EPS15L1: variants seen among roughly 807,000 people sequenced by gnomAD.
The protein encoded by EPS15L1 is epidermal growth factor receptor pathway substrate 15 like 1, also known as epidermal growth factor receptor substrate 15-like 1.
A neutral mutation model predicts 117.1 loss-of-function variants in EPS15L1; 43 were observed. The observed-to-expected ratio is 0.37, with a 90% confidence interval of 0.29 to 0.47. The LOEUF is 0.47. Among genes scored for constraint, EPS15L1 ranks in the 20% least tolerant of loss-of-function variants. EPS15L1 has a pLI of 0.99. For missense variants in EPS15L1, 981 were observed against 1,164.0 expected (o/e 0.84, Z 2.29); for synonymous variants, 459 against 470.5 (o/e 0.98, Z 0.32).
chr19:16,444,083 A>G (rs2093059375), intron 1 of EPS15L1, among the ~76,000 whole-genome samples: 1 of 150,072 alleles, frequency 6.7e-6, no homozygotes, highest in Admixed American at 6.6e-5. Flanking sequence ...AAAAAAAAAA[A>G]GAAGTGAAAG....
Position 16,384,719 on chromosome 19 carries a change from G to A in EPS15L1, c.2247+410C>T, listed in dbSNP as rs965542507. Among the ~76,000 whole-genome samples the A allele has an allele frequency of 7.9e-5, 12 of 152,276 alleles. No individual in the cohort carries two copies. The South Asian group carries it at 8.3e-4, about 11-fold the overall frequency. ...CCTCACTTTTCAACACCCCTTGAGAGTTCTGTCACATGGGCGACTCTGAAC... is the reference window on the plus strand; with the variant it reads ...CCTCACTTTTCAACACCCCTTGAGAATTCTGTCACATGGGCGACTCTGAAC... On this transcript the variant is annotated intron_variant, in intron 21 of 23. Coordinates refer to ENST00000455140, the MANE Select transcript of EPS15L1 (RefSeq NM_001258374.3).
intron 19 of EPS15L1, 126 bp from the exon 20 acceptor site, chr19:16,386,357 T>C: frequency 1.3e-6 from 1 of 744,634 alleles, no homozygotes; most frequent in Non-Finnish European, 2.3e-6. Flanking sequence ...AGTGGAATGA[T>C]TAAAACTCAA....
At chr19:16,376,323 C>A (rs1183906416) in intron 22 of EPS15L1, among the ~76,000 whole-genome samples, 3 of 152,230 alleles carry the variant, frequency 2.0e-5, no homozygotes, top group African/African-American at 7.2e-5. Context: ...CCTTCTGCCA[C>A]TTGAAGCAAT....
chr19:16,451,212 A>C lies in EPS15L1; in HGVS notation c.34-8993T>G, dbSNP rs145430648. 3.8e-3 allele frequency among the ~76,000 whole-genome samples: 571 copies of C among 152,066 alleles called. 2 individuals are homozygous for C. Among genetic ancestry groups the C allele is most frequent in the African/African-American group, 0.013 (552 of 41,496 alleles). On this transcript the variant is annotated intron_variant, in intron 1 of 23. Coordinates refer to ENST00000455140, the MANE Select transcript of EPS15L1 (RefSeq NM_001258374.3). ...GTGATCTGCCTGCCTCGGCCTCCCAAAGTGCTGGGATTACAGGCGTGAGCC... is the reference window on the plus strand; with the variant it reads ...GTGATCTGCCTGCCTCGGCCTCCCACAGTGCTGGGATTACAGGCGTGAGCC...
chr19:16,384,866 G>A (rs184121858), intron 21 of EPS15L1, among the ~76,000 whole-genome samples: 218 of 152,258 alleles, frequency 1.4e-3, no homozygotes, highest in African/African-American at 4.6e-3. Flanking sequence ...TGACTTCACC[G>A]TCTGAGACCT....
intron 1 of EPS15L1, among the ~76,000 whole-genome samples, chr19:16,453,007 A>G (rs1324427717): frequency 6.6e-6 from 1 of 151,578 alleles, no homozygotes; most frequent in Non-Finnish European, 1.5e-5. Flanking sequence ...TCACCGTGTT[A>G]GTCAGGATGG....
intron 1 of EPS15L1, among the ~76,000 whole-genome samples, chr19:16,448,251 C>T (rs556095735): frequency 6.6e-6 from 1 of 152,280 alleles, no homozygotes. Flanking sequence ...CCATGTAAGG[C>T]CTGGCGTGGT....
chr19:16,464,866 A>G (rs1490972670), intron 1 of EPS15L1, among the ~76,000 whole-genome samples: 1 of 152,076 alleles, frequency 6.6e-6, no homozygotes, highest in Non-Finnish European at 1.5e-5. Context: ...GGCAGATCAC[A>G]AGGTCAGATC....
intron 1 of EPS15L1, among the ~76,000 whole-genome samples, chr19:16,468,432 G>A (rs1599703582): frequency 6.6e-6 from 1 of 152,134 alleles, no homozygotes; most frequent in African/African-American, 2.4e-5. Context: ...TGCAACCTCC[G>A]CCGCCTGGTT....
rs555934009 is a variant in EPS15L1 at position 16,355,297 on chromosome 19, C to T, written c.*408G>A. ...ATCATTCAAACTTCATTTTATACAACGAGTGCATACACCACTGGGGGAGTG... is the reference window on the plus strand; with the variant it reads ...ATCATTCAAACTTCATTTTATACAATGAGTGCATACACCACTGGGGGAGTG... On this transcript the variant is annotated 3_prime_UTR_variant, in exon 24 of 24. Coordinates refer to ENST00000455140, the MANE Select transcript of EPS15L1 (RefSeq NM_001258374.3). 7 of 163,882 alleles carry T rather than the reference C, an allele frequency of 4.3e-5. No homozygotes were observed. In the South Asian group the frequency reaches 9.9e-4, roughly 23 times the overall value. 10.2% of individuals were successfully genotyped at this position (163,882 alleles called of 1,614,324 possible). A position where few individuals can be genotyped will look rare whatever the true frequency, so the allele number is the denominator to read the frequency against.
intron 16 of EPS15L1, chr19:16,401,315 G>A: frequency 1.0e-6 from 1 of 985,214 alleles, no homozygotes; most frequent in Non-Finnish European, 1.2e-6. Flanking sequence ...CTTGGCTGCT[G>A]AGAAAAGAAA....
At position 16,402,437 on chromosome 19, in the gene EPS15L1, T is replaced by C; in HGVS notation, c.1675A>G (p.Arg559Gly). The change falls in exon 16 of 24, where the codon AGG becomes GGG. Residue 559 changes from arginine to glycine, a missense_variant. Around this residue, in one of 5 missense-constraint regions of EPS15L1, gnomAD observed 819 missense variants for 949.0 expected, o/e 0.86. Transcript: ENST00000455140. ...ACCTGGTCATACTGCTCCAGGCTCC[T>C]GTGGGCCTCCTGGCGGCTTTCATGC... is the stretch of plus-strand genomic sequence containing the variant. ...QLHESRQEAH[R>G]SLEQYDQVLD... The C allele has an allele frequency of 6.2e-7, 1 of 1,612,726 alleles. No homozygotes were observed. Among genetic ancestry groups the C allele is most frequent in the African/African-American group, 1.3e-5 (1 of 74,986 alleles).
intron 1 of EPS15L1, among the ~76,000 whole-genome samples, chr19:16,462,374 TG>T (rs145429616): frequency 6.6e-6 from 1 of 151,686 alleles, no homozygotes; most frequent in African/African-American, 2.4e-5. Flanking sequence ...ATCAGGGAAG[TG>T]GGGGGGAGGG....
chr19:16,465,094 A>T (rs1038123868), intron 1 of EPS15L1, among the ~76,000 whole-genome samples: 16 of 151,986 alleles, frequency 1.1e-4, no homozygotes, highest in South Asian at 4.2e-4. Context: ...AAAAAAAAAA[A>T]TTCACAAGAA....
intron 12 of EPS15L1, among the ~76,000 whole-genome samples, chr19:16,416,161 T>G (rs776570233): frequency 1.3e-5 from 2 of 151,448 alleles, no homozygotes; most frequent in Non-Finnish European, 2.9e-5. Flanking sequence ...ACTGCACCTG[T>G]TAATATGACC....
In EPS15L1 at chr19:16,370,823, G is replaced by A. The variant is rs1331870832; in HGVS notation, c.2380+6299C>T. On this transcript the variant is annotated intron_variant, in intron 22 of 23. Transcript: ENST00000455140. The surrounding 1 kb of genome is among the most constrained non-coding windows in gnomAD (Gnocchi z 5.2). Reference sequence around the variant, plus strand: ...GACCTTCCAGAGGGCTCAGACGGAAGCTCTGAAGCTTCCTTGAACACAGCA... The same window carrying A: ...GACCTTCCAGAGGGCTCAGACGGAAACTCTGAAGCTTCCTTGAACACAGCA... 6.6e-6 allele frequency among the ~76,000 whole-genome samples: 1 copy of A among 152,224 alleles called. No individual in the cohort carries two copies. Among genetic ancestry groups the A allele is most frequent in the Admixed American group, 6.5e-5 (1 of 15,284 alleles).
intron 13 of EPS15L1, among the ~76,000 whole-genome samples, chr19:16,406,267 T>G (rs970837825): frequency 6.6e-6 from 1 of 152,092 alleles, no homozygotes; most frequent in Non-Finnish European, 1.5e-5. Context: ...TCCCTGCCCC[T>G]GGCCTTTCAC....
At chr19:16,449,055 C>A (rs1303305844) in intron 1 of EPS15L1, among the ~76,000 whole-genome samples, 1 of 152,088 alleles carries the variant, frequency 6.6e-6, no homozygotes, top group Non-Finnish European at 1.5e-5. Context: ...AGGAGGACTG[C>A]TTGAGCCCAG....
chr19:16,435,978 G>A (rs2092974368), intron 6 of EPS15L1, among the ~76,000 whole-genome samples: 1 of 152,188 alleles, frequency 6.6e-6, no homozygotes, highest in Admixed American at 6.5e-5. Context: ...CCATGACAAA[G>A]TAGCTCTTTT....
Sources: gnomAD v4.1 joint callset for allele counts (sites outside exome capture counted in the v4.1 genomes callset) on GRCh38, gnomAD v4.1.1 for gene constraint, gnomAD v4.1.1 regional missense constraint, Gnocchi (gnomAD v3.1) non-coding constraint, MANE v1.5 for transcripts, NCBI Gene and HGNC (gene_info 2026-07-23, HGNC 2026-07-21) for gene names.